GRID2: variants seen among roughly 807,000 people sequenced by gnomAD.
GRID2 encodes glutamate receptor ionotropic, delta-2.
In GRID2, 33 loss-of-function variants were observed where a neutral mutation model predicts 114.8. That is an observed-to-expected ratio of 0.29 (90% CI 0.22 to 0.38). GRID2 has a LOEUF of 0.38. GRID2 is among the 10% of genes least tolerant of loss of function. GRID2 has a pLI of 1.00. For missense variants in GRID2, 1,184 were observed against 1,257.7 expected (o/e 0.94, Z 0.89); for synonymous variants, 505 against 449.9 (o/e 1.12, Z -1.55).
chr4:93,621,646 A>T (rs1166130976), intron 13 of GRID2, among the ~76,000 whole-genome samples: 1 of 152,156 alleles, frequency 6.6e-6, no homozygotes, highest in African/African-American at 2.4e-5. Flanking sequence ...GTGACTTCAG[A>T]CTTTGTTGAT....
chr4:93,097,460 G>T (rs1731321459), intron 3 of GRID2, among the ~76,000 whole-genome samples: 1 of 151,814 alleles, frequency 6.6e-6, no homozygotes, highest in African/African-American at 2.4e-5. Context: ...ATTTAATTTG[G>T]TGGCCACTGG....
chr4:92,932,749 T>C (rs1482809431), intron 2 of GRID2, among the ~76,000 whole-genome samples: 1 of 151,216 alleles, frequency 6.6e-6, no homozygotes, highest in Non-Finnish European at 1.5e-5. Context: ...CAAAAACGAA[T>C]GCAGGCAAAA....
rs571621848 is a variant in GRID2 at position 93,215,179 on chromosome 4, ATGC to A, written c.790-1553_790-1551del. Among the ~76,000 whole-genome samples, 736 of 149,712 alleles carry A rather than the reference ATGC, an allele frequency of 4.9e-3. 7 individuals carry two copies. The highest frequency in any genetic ancestry group is 0.017 in the African/African-American group (710 of 40,762). ...TTCATTATGAGTGGTGTAGATAGAG[ATGC>A]TGCTGTTTGATAAAATGTTGATAAA... On this transcript the variant is annotated intron_variant, in intron 5 of 15. Transcript: ENST00000282020.
intron 4 of GRID2, among the ~76,000 whole-genome samples, chr4:93,173,198 C>A (rs1024482291): frequency 2.0e-5 from 3 of 152,058 alleles, no homozygotes; most frequent in African/African-American, 7.2e-5. Flanking sequence ...GAAAATTAAT[C>A]CAATAGATTT....
chr4:92,855,684 G>C (rs1388579089), intron 2 of GRID2, among the ~76,000 whole-genome samples: 1 of 151,458 alleles, frequency 6.6e-6, no homozygotes, highest in Admixed American at 6.6e-5. Context: ...AATAACCATT[G>C]TTGTTTATAG....
chr4:93,121,794 A>G (rs1333087940), intron 4 of GRID2, among the ~76,000 whole-genome samples: 2 of 152,202 alleles, frequency 1.3e-5, no homozygotes, highest in African/African-American at 4.8e-5. Context: ...CCGTTTCTTC[A>G]CCAACACTTG....
intron 2 of GRID2, among the ~76,000 whole-genome samples, chr4:92,754,964 G>T (rs575191042): frequency 6.6e-6 from 1 of 151,958 alleles, no homozygotes; most frequent in Non-Finnish European, 1.5e-5. Flanking sequence ...TTTTCTGTGC[G>T]TGTGCATACA....
intron 1 of GRID2, among the ~76,000 whole-genome samples, chr4:92,432,037 C>T (rs1281908692): frequency 1.3e-5 from 2 of 152,238 alleles, no homozygotes; most frequent in Non-Finnish European, 2.9e-5. Context: ...TCCAGGTGAA[C>T]TGCCTGGTTT....
At chr4:92,982,022 TAAAAA>T (rs1161216679) in intron 2 of GRID2, among the ~76,000 whole-genome samples, 3 of 80,202 alleles carry the variant, frequency 3.7e-5, no homozygotes, top group East Asian at 6.5e-4. Flanking sequence ...AAAGTACTGG[TAAAAA>T]AAAAAAAAAA....
chr4:92,643,191 G>C (rs1048197614), intron 2 of GRID2, among the ~76,000 whole-genome samples: 1 of 151,474 alleles, frequency 6.6e-6, no homozygotes, highest in African/African-American at 2.4e-5. Context: ...TGCTTTGGGC[G>C]CTGTGGCCAT....
At chr4:93,319,201 A>T (rs1199965531) in intron 8 of GRID2, among the ~76,000 whole-genome samples, 2 of 152,118 alleles carry the variant, frequency 1.3e-5, no homozygotes, top group African/African-American at 4.8e-5. Flanking sequence ...AAATGTACAC[A>T]CACACATGTA....
At chr4:93,042,279 C>T (rs28478412) in intron 2 of GRID2, among the ~76,000 whole-genome samples, 880 of 38,866 alleles carry the variant, frequency 0.023, 6 homozygotes, top group African/African-American at 0.041. Flanking sequence ...CTCTCTTTCT[C>T]TCTCTCTCTC....
At chr4:92,600,648 G>A (rs1236340920) in intron 2 of GRID2, among the ~76,000 whole-genome samples, 1 of 152,152 alleles carries the variant, frequency 6.6e-6, no homozygotes, top group Non-Finnish European at 1.5e-5. Flanking sequence ...CTGTAGGGCT[G>A]CTGTGGTTTG....
At chr4:92,586,355 TACACAC>T (rs200184543) in intron 1 of GRID2, among the ~76,000 whole-genome samples, 123 of 146,002 alleles carry the variant, frequency 8.4e-4, no homozygotes, top group African/African-American at 2.2e-3. Context: ...ACAAAAAATC[TACACAC>T]ACACACACAC....
chr4:92,782,365 T>A (rs1739124614), intron 2 of GRID2, among the ~76,000 whole-genome samples: 1 of 152,118 alleles, frequency 6.6e-6, no homozygotes, highest in African/African-American at 2.4e-5. Flanking sequence ...ATTTTAAACC[T>A]ACAAAGGCTT....
chr4:93,325,274 A>G (rs1181699058), intron 8 of GRID2, among the ~76,000 whole-genome samples: 1 of 151,902 alleles, frequency 6.6e-6, no homozygotes, highest in African/African-American at 2.4e-5. Flanking sequence ...ATATTTTAAA[A>G]TGTGTCTTCT....
At chr4:92,948,436 G>T (rs1751800953) in intron 2 of GRID2, among the ~76,000 whole-genome samples, 1 of 151,748 alleles carries the variant, frequency 6.6e-6, no homozygotes, top group Admixed American at 6.6e-5. Context: ...AAGATATGGG[G>T]TAAATACATG....
chr4:92,995,243 C>T (rs1182735648), intron 2 of GRID2, among the ~76,000 whole-genome samples: 1 of 152,196 alleles, frequency 6.6e-6, no homozygotes, highest in African/African-American at 2.4e-5. Context: ...GTGGATACAT[C>T]TCTCTTCTTT....
intron 2 of GRID2, among the ~76,000 whole-genome samples, chr4:92,835,292 C>G (rs940562430): frequency 6.6e-6 from 1 of 151,838 alleles, no homozygotes; most frequent in Admixed American, 6.6e-5. Flanking sequence ...TCTAAGCATT[C>G]TATGCATACA....
Sources: gnomAD v4.1 joint callset for allele counts (sites outside exome capture counted in the v4.1 genomes callset) on GRCh38, gnomAD v4.1.1 for gene constraint, MANE v1.5 for transcripts, NCBI Gene and HGNC (gene_info 2026-07-23, HGNC 2026-07-21) for gene names.